NKX2-4: variants seen among roughly 807,000 people sequenced by gnomAD.
The protein encoded by NKX2-4 is NK2 homeobox 4, also known as homeobox protein Nkx-2.4.
A neutral mutation model predicts 8.6 loss-of-function variants in NKX2-4; 6 were observed. That is an observed-to-expected ratio of 0.70 (90% CI 0.38 to 1.38). The LOEUF (loss-of-function observed/expected upper bound fraction) is 1.38, where lower values mean the gene tolerates loss of function less well. Among genes scored for constraint, NKX2-4 ranks in the 40% most tolerant of loss-of-function variants. The pLI, the probability that NKX2-4 is intolerant of heterozygous loss-of-function variation, is 0.02. For synonymous variants in NKX2-4, 299 were observed against 272.6 expected (o/e 1.10, Z -0.95); for missense variants, 601 against 548.4 (o/e 1.10, Z -0.96).
Position 21,397,227 on chromosome 20 carries a change from T to G in NKX2-4, c.173A>C (p.Gln58Pro). 1 of 1,238,802 alleles carries G rather than the reference T, an allele frequency of 8.1e-7. No homozygotes were observed. The highest frequency in any genetic ancestry group is 1.0e-6 in the Non-Finnish European group (1 of 996,504). The allele number at this position is 1,238,802 out of a possible 1,614,324, so 76.7% of individuals were successfully genotyped here. A position where few individuals can be genotyped will look rare whatever the true frequency, so the allele number is the denominator to read the frequency against. Residue 58 changes from glutamine (Q) to proline (P), a missense_variant, in exon 1 of 2, where the codon CAG becomes CCG. By Grantham distance (76) the Gln-to-Pro change is moderately conservative. Coordinates refer to ENST00000351817, the MANE Select transcript of NKX2-4 (RefSeq NM_033176.2). Reference protein sequence around the residue: ...YRAPPPGPSSQAATVAGMQPS... With the variant: ...YRAPPPGPSSPAATVAGMQPS... ...CTGCATGCCCGCCACGGTCGCCGCC[T>G]GCGAGGAGGGCCCAGGTGGCGGCGC...
At chr20:21,396,758 G>A (rs1050898637) in intron 1 of NKX2-4, among the ~76,000 whole-genome samples, 200 bp downstream of exon 1, 6 of 149,404 alleles carry the variant, frequency 4.0e-5, no homozygotes, top group Non-Finnish European at 8.9e-5. Flanking sequence ...CGCGTTCCCG[G>A]TCAGGTCCCA....
rs2039015006 is a variant in NKX2-4 at position 21,396,078 on chromosome 20, C to T, written c.898G>A (p.Gly300Ser). 5 of 1,298,916 alleles carry T rather than the reference C, an allele frequency of 3.8e-6. No individual in the cohort carries two copies. The highest frequency in any genetic ancestry group is 4.9e-6 in the Non-Finnish European group (5 of 1,030,508). 80.5% of individuals were successfully genotyped at this position (1,298,916 alleles called of 1,614,324 possible). ...GASTPTPGQA[G>S]PQPPAPTPAP... is the part of the protein sequence containing the mutation. ...GGCGTCGGGGCCGGCGGCTGCGGAC[C>T]GGCCTGGCCGGGGGTGGGCGTGCTG... Residue 300 changes from glycine to serine, a missense_variant, in exon 2 of 2, where the codon GGT becomes AGT. By Grantham distance (56) the Gly-to-Ser change is moderately conservative (BLOSUM62 0). Coordinates refer to ENST00000351817, the MANE Select transcript of NKX2-4 (RefSeq NM_033176.2).
At chr20:21,396,635 C>T in intron 1 of NKX2-4, 102 bp from the exon 2 acceptor site, 1 of 1,004,150 alleles carries the variant, frequency 1.0e-6, no homozygotes, top group South Asian at 2.3e-5. Flanking sequence ...GCCGCCGGGC[C>T]CTCGCTGAAT....
At chr20:21,396,891 C>G in intron 1 of NKX2-4, 67 bp downstream of exon 1, 5 of 1,264,970 alleles carry the variant, frequency 4.0e-6, no homozygotes, top group Non-Finnish European at 4.0e-6. Flanking sequence ...CCCGCGCCCC[C>G]GCGCCCCTCG....
At position 21,397,379 on chromosome 20, in the gene NKX2-4, G is replaced by A. The variant is rs368288200; in HGVS notation, c.21C>T (p.His7=). Residue 7 remains histidine, a synonymous_variant, in exon 1 of 2, where the codon CAC becomes CAT. Transcript: ENST00000351817. Reference sequence around the variant, plus strand: ...TGTCGGACACGGAGAAGGGCGTCGTGTGCTTTGGGCTCAACGACATGGCTC... The same window carrying A: ...TGTCGGACACGGAGAAGGGCGTCGTATGCTTTGGGCTCAACGACATGGCTC... The part of the protein sequence containing the change: MSLSPK[H]TTPFSVSDIL... 1.4e-6 allele frequency: 2 copies of A among 1,439,646 alleles called. No homozygotes were observed. The highest frequency in any genetic ancestry group is 1.8e-6 in the Non-Finnish European group (2 of 1,095,200). 89.2% of individuals were successfully genotyped at this position (1,439,646 alleles called of 1,614,324 possible).
In NKX2-4 at chr20:21,396,365, A is replaced by G; in HGVS notation, c.611T>C (p.Leu204Pro). The change falls in exon 2 of 2, where the codon CTG (leucine) becomes CCG (proline). Residue 204 changes from leucine (L) to proline (P), a missense_variant. Leu to Pro is a moderately conservative substitution (Grantham distance 98). Coordinates refer to ENST00000351817, the MANE Select transcript of NKX2-4 (RefSeq NM_033176.2). The part of the protein sequence containing the change: ...VLFSQAQVYE[L>P]ERRFKQQKYL... ...CTTCTGCTGCTTGAAGCGCCGCTCC[A>G]GCTCGTAGACCTGCGCCTGCGAGAA... 1 of 1,595,522 alleles carries G rather than the reference A, an allele frequency of 6.3e-7. No homozygotes were observed. Among genetic ancestry groups the G allele is most frequent in the Non-Finnish European group, 8.5e-7 (1 of 1,173,260 alleles).
chr20:21,395,983 G>A lies in NKX2-4; in HGVS notation c.993C>T (p.Ala331=), dbSNP rs2039013461. The A allele has an allele frequency of 5.4e-5, 69 of 1,270,398 alleles. No homozygotes were observed. The highest frequency in any genetic ancestry group is 6.2e-5 in the Non-Finnish European group (63 of 1,009,750). The allele number at this position is 1,270,398 out of a possible 1,614,324, so 78.7% of individuals were successfully genotyped here. The change falls in exon 2 of 2, where the codon GCC becomes GCT. Residue 331 remains alanine (A), a synonymous_variant. Transcript: ENST00000351817. ...ALHGPGGGLA[A]LDAAAGEYSG... Reference sequence around the variant, plus strand: ...TGTACTCCCCGGCGGCCGCGTCCAGGGCCGCCAGGCCGCCCCCCGGGCCGT... The same window carrying A: ...TGTACTCCCCGGCGGCCGCGTCCAGAGCCGCCAGGCCGCCCCCCGGGCCGT...
Position 21,395,908 on chromosome 20 carries a change from C to A in NKX2-4, c.*3G>T. 7.6e-7 allele frequency: 1 copy of A among 1,321,572 alleles called. No individual in the cohort carries two copies. The highest frequency in any genetic ancestry group is 9.7e-7 in the Non-Finnish European group (1 of 1,034,106). The allele number at this position is 1,321,572 out of a possible 1,614,324, so 81.9% of individuals were successfully genotyped here. A position where few individuals can be genotyped will look rare whatever the true frequency, so the allele number is the denominator to read the frequency against. On this transcript the variant is annotated 3_prime_UTR_variant, in exon 2 of 2. Coordinates refer to ENST00000351817, the MANE Select transcript of NKX2-4 (RefSeq NM_033176.2). ...AGGACCTAGCCCCGGGGCGCCCTCG[C>A]TGTCACCACGTCCTGCCATAGAGCA... is the stretch of plus-strand genomic sequence containing the variant.
chr20:21,396,199 C>G lies in NKX2-4; in HGVS notation c.777G>C (p.Glu259Asp). ...GAGGCGGCGGCGGGCCCAGGCCGCC[C>G]TCCTGCTGCAGCTGCTGCGCCGCCT... ...KDKAAQQLQQ[E>D]GGLGPPPPPP... The change falls in exon 2 of 2, where the codon GAG becomes GAC. Residue 259 changes from glutamate to aspartate, a missense_variant. Transcript: ENST00000351817. The G allele has an allele frequency of 6.4e-7, 1 of 1,558,446 alleles. No individual in the cohort carries two copies. Among genetic ancestry groups the G allele is most frequent in the Middle Eastern group, 2.3e-4 (1 of 4,400 alleles).
chr20:21,396,684 A>C, intron 1 of NKX2-4, 151 bp from the exon 2 acceptor site: 1 of 673,210 alleles, frequency 1.5e-6, no homozygotes, highest in Non-Finnish European at 2.2e-6. Context: ...CGGCCCCAGC[A>C]CGCCCCGCGC....
In NKX2-4 at chr20:21,396,532, G is replaced by C; in HGVS notation, c.444C>G (p.Ile148Met). ...CCGCCGACGGCCCCATGAACCTGGAGACTGGGGAAGAGTCCCAAGGGGGAA... is the reference window on the plus strand; with the variant it reads ...CCGCCGACGGCCCCATGAACCTGGACACTGGGGAAGAGTCCCAAGGGGGAA... ...GANPDPRYSS[I>M]SRFMGPSAGV... Residue 148 changes from isoleucine (I) to methionine (M), a missense_variant and splice_region_variant, in exon 2 of 2, where the codon ATC becomes ATG. By Grantham distance (10) the Ile-to-Met change is conservative. Transcript: ENST00000351817. 1 of 1,420,682 alleles carries C rather than the reference G, an allele frequency of 7.0e-7. No individual in the cohort carries two copies. Among genetic ancestry groups the C allele is most frequent in the South Asian group, 1.5e-5 (1 of 65,150 alleles). 88.0% of individuals were successfully genotyped at this position (1,420,682 alleles called of 1,614,324 possible). A position where few individuals can be genotyped will look rare whatever the true frequency, so the allele number is the denominator to read the frequency against.
At chr20:21,396,658 T>G in intron 1 of NKX2-4, 125 bp from the exon 2 acceptor site, 1 of 807,252 alleles carries the variant, frequency 1.2e-6, no homozygotes, top group Non-Finnish European at 1.7e-6. Context: ...CAAGACCCCC[T>G]GACCGCCGCG....
Position 21,397,241 on chromosome 20 carries a change from A to G in NKX2-4, c.159T>C (p.Pro53=), listed in dbSNP as rs938608930. 1.6e-6 allele frequency: 2 copies of G among 1,238,310 alleles called. No individual in the cohort carries two copies. The highest frequency in any genetic ancestry group is 2.0e-6 in the Non-Finnish European group (2 of 996,408). 76.7% of individuals were successfully genotyped at this position (1,238,310 alleles called of 1,614,324 possible). The change falls in exon 1 of 2, where the codon CCT becomes CCC. Residue 53 remains proline, a synonymous_variant. Coordinates refer to ENST00000351817, the MANE Select transcript of NKX2-4 (RefSeq NM_033176.2). ...CGGTCGCCGCCTGCGAGGAGGGCCCAGGTGGCGGCGCGCGGTAGGCGGCCG... is the reference window on the plus strand; with the variant it reads ...CGGTCGCCGCCTGCGAGGAGGGCCCGGGTGGCGGCGCGCGGTAGGCGGCCG... The part of the protein sequence containing the change: ...GAAAAYRAPP[P]GPSSQAATVA...
At position 21,396,406 on chromosome 20, in the gene NKX2-4, C is replaced by G. The variant is rs1159228774; in HGVS notation, c.570G>C (p.Arg190Ser). The change falls in exon 2 of 2, where the codon AGG becomes AGC. Residue 190 changes from arginine (R) to serine (S), a missense_variant. Arg to Ser is a moderately radical substitution (Grantham distance 110). Coordinates refer to ENST00000351817, the MANE Select transcript of NKX2-4 (RefSeq NM_033176.2). ...HAAAAAAAPR[R>S]KRRVLFSQAQ... ...CCTGCGAGAAGAGCACGCGGCGCTTCCTTCGCGGAGCGGCTGCCGCCGCCG... is the reference window on the plus strand; with the variant it reads ...CCTGCGAGAAGAGCACGCGGCGCTTGCTTCGCGGAGCGGCTGCCGCCGCCG... 6.5e-7 allele frequency: 1 copy of G among 1,547,888 alleles called. No individual in the cohort carries two copies.
In NKX2-4 at chr20:21,397,013, C is replaced by T; in HGVS notation, c.387G>A (p.Arg129=). Reference sequence around the variant, plus strand: ...CGTACCAGCCGGTGGCCGCGCCGCCCCGCATGCCGTCCGTGTAGGCGGGCA... The same window carrying T: ...CGTACCAGCCGGTGGCCGCGCCGCCTCGCATGCCGTCCGTGTAGGCGGGCA... ...GELPAYTDGM[R]GGAATGWYGA... Residue 129 remains arginine, a synonymous_variant, in exon 1 of 2, where the codon CGG becomes CGA. Transcript: ENST00000351817. 1.4e-6 allele frequency: 2 copies of T among 1,473,516 alleles called. No homozygotes were observed. The highest frequency in any genetic ancestry group is 1.8e-6 in the Non-Finnish European group (2 of 1,115,266). The allele number at this position is 1,473,516 out of a possible 1,614,324, so 91.3% of individuals were successfully genotyped here.
Position 21,397,005 on chromosome 20 carries a change from G to T in NKX2-4, c.395C>A (p.Ala132Glu). Reference protein sequence around the residue: ...PAYTDGMRGGAATGWYGANPD... With the variant: ...PAYTDGMRGGEATGWYGANPD... ...GTTGGCGCCGTACCAGCCGGTGGCC[G>T]CGCCGCCCCGCATGCCGTCCGTGTA... is the stretch of plus-strand genomic sequence containing the variant. The change falls in exon 1 of 2, where the codon GCG (alanine) becomes GAG (glutamate). Residue 132 changes from alanine to glutamate, a missense_variant. Transcript: ENST00000351817. 6.8e-6 allele frequency: 10 copies of T among 1,474,740 alleles called. No homozygotes were observed. Among genetic ancestry groups the T allele is most frequent in the Non-Finnish European group, 9.0e-6 (10 of 1,116,134 alleles). 91.4% of individuals were successfully genotyped at this position (1,474,740 alleles called of 1,614,324 possible).
At position 21,397,024 on chromosome 20, in the gene NKX2-4, C is replaced by T; in HGVS notation, c.376G>A (p.Asp126Asn). The change falls in exon 1 of 2, where the codon GAC becomes AAC. Residue 126 changes from aspartate (D) to asparagine (N), a missense_variant. Transcript: ENST00000351817. ...GTGGCCGCGCCGCCCCGCATGCCGT[C>T]CGTGTAGGCGGGCAGCTCGCCCATG... ...GNMGELPAYT[D>N]GMRGGAATGW... 1.4e-6 allele frequency: 2 copies of T among 1,465,678 alleles called. No individual in the cohort carries two copies. Among genetic ancestry groups the T allele is most frequent in the Non-Finnish European group, 1.8e-6 (2 of 1,110,968 alleles). 90.8% of individuals were successfully genotyped at this position (1,465,678 alleles called of 1,614,324 possible).
chr20:21,396,879 G>C (rs1440311632), intron 1 of NKX2-4, 79 bp downstream of exon 1: 2 of 1,207,048 alleles, frequency 1.7e-6, no homozygotes, highest in Non-Finnish European at 2.1e-6. Flanking sequence ...CGCGCACCCC[G>C]TCCCGCGCCC....
chr20:21,395,705 A>T lies in NKX2-4; in HGVS notation c.*206T>A, dbSNP rs901954043. Reference sequence around the variant, plus strand: ...AATCACCACCTCAAAGCCTCGTGGCATAATGTTACACTACTCGGTTTCCGG... The same window carrying T: ...AATCACCACCTCAAAGCCTCGTGGCTTAATGTTACACTACTCGGTTTCCGG... On this transcript the variant is annotated 3_prime_UTR_variant, in exon 2 of 2. Coordinates refer to ENST00000351817, the MANE Select transcript of NKX2-4 (RefSeq NM_033176.2). 8.0e-6 allele frequency: 3 copies of T among 376,272 alleles called. No homozygotes were observed. The highest frequency in any genetic ancestry group is 4.7e-6 in the Non-Finnish European group (1 of 214,724). The allele number at this position is 376,272 out of a possible 1,614,324, so 23.3% of individuals were successfully genotyped here. A position where few individuals can be genotyped will look rare whatever the true frequency, so the allele number is the denominator to read the frequency against.
Sources: allele counts gnomAD v4.1 joint callset (sites outside exome capture counted in the v4.1 genomes callset), GRCh38; gene constraint gnomAD v4.1.1; transcripts MANE v1.5; gene names NCBI Gene and HGNC (gene_info 2026-07-23, HGNC 2026-07-21).